Variants in GDAP2 observed in about 807,000 individuals in gnomAD.
GDAP2 encodes ganglioside induced differentiation associated protein 2, also known as ganglioside-induced differentiation-associated protein 2.
GDAP2 carries 51 observed loss-of-function variants against 67.0 expected under a neutral mutation model. That is an observed-to-expected ratio of 0.76 (90% CI 0.61 to 0.96). The LOEUF (loss-of-function observed/expected upper bound fraction) is 0.96. Ranked by LOEUF, GDAP2 falls within the 40% of genes least tolerant of loss-of-function variation. The probability of loss-of-function intolerance (pLI) is 0.00; values close to 1 mark genes in which losing one functional copy is unlikely to be tolerated. For synonymous variants in GDAP2, 203 were observed against 207.3 expected, an observed-to-expected ratio of 0.98 and a Z score of 0.18; for missense variants, 547 against 588.3, an observed-to-expected ratio of 0.93 and a Z score of 0.73.
At chr1:117,896,659 T>C (rs1034289987) in intron 8 of GDAP2, 174 bp downstream of exon 8, 1 of 454,242 alleles carries the variant, frequency 2.2e-6, no homozygotes, top group Non-Finnish European at 3.9e-6. Context: ...CTGATAACTT[T>C]CTTAACTTTG....
intron 13 of GDAP2, among the ~76,000 whole-genome samples, chr1:117,876,273 T>G (rs929706780): frequency 6.6e-6 from 1 of 152,064 alleles, no homozygotes; most frequent in Non-Finnish European, 1.5e-5. Context: ...GGCACCTCCC[T>G]TCCCTCTCTC....
At chr1:117,905,052 T>A (rs984386166) in intron 6 of GDAP2, among the ~76,000 whole-genome samples, 1 of 152,328 alleles carries the variant, frequency 6.6e-6, no homozygotes. Flanking sequence ...CCAACTCCAG[T>A]TGAACTTATT....
intron 1 of GDAP2, among the ~76,000 whole-genome samples, chr1:117,922,227 T>C (rs74113091): frequency 0.024 from 3,702 of 152,228 alleles, 150 homozygotes; most frequent in African/African-American, 0.083. Flanking sequence ...CTGGACAAGA[T>C]AGCCTAGAGA....
intron 6 of GDAP2, among the ~76,000 whole-genome samples, chr1:117,902,635 G>A (rs1649519592): frequency 6.6e-6 from 1 of 152,140 alleles, no homozygotes; most frequent in African/African-American, 2.4e-5. Context: ...TTATCCTTAT[G>A]CCAGTACCAC....
chr1:117,900,530 G>C (rs1649414245), intron 6 of GDAP2, among the ~76,000 whole-genome samples: 1 of 152,138 alleles, frequency 6.6e-6, no homozygotes, highest in Non-Finnish European at 1.5e-5. Context: ...CATTCTAGGA[G>C]GCTGAGGTGG....
At chr1:117,896,640 C>T in intron 8 of GDAP2, 193 bp downstream of exon 8, 2 of 429,514 alleles carry the variant, frequency 4.7e-6, no homozygotes, top group Non-Finnish European at 8.3e-6. Flanking sequence ...CACATATTAA[C>T]TGTGGCCACT....
rs1011749627 is a variant in GDAP2 at position 117,866,986 on chromosome 1, T to C, written c.*3583A>G. On this transcript the variant is annotated 3_prime_UTR_variant, in exon 14 of 14. Transcript: ENST00000369443. ...AATCAATCCACTGCCACTAGAACCATGTAACTCTCCTCTATATAGTACTTC... is the reference window on the plus strand; with the variant it reads ...AATCAATCCACTGCCACTAGAACCACGTAACTCTCCTCTATATAGTACTTC... The C allele has an allele frequency of 2.0e-5, 3 of 152,194 alleles. No homozygotes were observed. The highest frequency in any genetic ancestry group is 7.2e-5 in the African/African-American group (3 of 41,444). The allele number at this position is 152,194 out of a possible 1,614,324, so 9.4% of individuals were successfully genotyped here.
chr1:117,893,278 T>C (rs1486261753), intron 8 of GDAP2, among the ~76,000 whole-genome samples: 1 of 152,170 alleles, frequency 6.6e-6, no homozygotes, highest in Non-Finnish European at 1.5e-5. Context: ...AAAAAGAGTA[T>C]CTAGGTTGCT....
chr1:117,927,333 C>A (rs1266267079), intron 1 of GDAP2, among the ~76,000 whole-genome samples: 1 of 151,680 alleles, frequency 6.6e-6, no homozygotes. Flanking sequence ...CAAAACTGGG[C>A]AAAATTGGGC....
chr1:117,903,885 T>C (rs890751867), intron 6 of GDAP2, among the ~76,000 whole-genome samples: 3 of 152,178 alleles, frequency 2.0e-5, no homozygotes, highest in African/African-American at 4.8e-5. Flanking sequence ...ATGATGATCA[T>C]AAGATTTACT....
rs945010499 is a variant in GDAP2, at chr1:117,865,005, C to T, written c.*5564G>A. 4 of 152,100 alleles carry T rather than the reference C, an allele frequency of 2.6e-5. No homozygotes were observed. Among genetic ancestry groups the T allele is most frequent in the Non-Finnish European group, 5.9e-5 (4 of 68,010 alleles). 9.4% of individuals were successfully genotyped at this position (152,100 alleles called of 1,614,324 possible). ...TTTTACTCTAACTATGGTCTGGGGA[C>T]CAGGAGAATTGATAACACCTAAGAG... On this transcript the variant is annotated 3_prime_UTR_variant, in exon 14 of 14. Transcript: ENST00000369443.
intron 3 of GDAP2, 104 bp downstream of exon 3, chr1:117,918,493 C>A: frequency 3.9e-6 from 3 of 767,774 alleles, no homozygotes; most frequent in Non-Finnish European, 6.5e-6. Context: ...AAAAGAAAAA[C>A]AGCTACATCT....
rs1648026668 is a variant in GDAP2 at position 117,865,534 on chromosome 1, G to A, written c.*5035C>T. The A allele has an allele frequency of 6.6e-6, 1 of 151,984 alleles. No individual in the cohort carries two copies. The highest frequency in any genetic ancestry group is 1.5e-5 in the Non-Finnish European group (1 of 67,996). The allele number at this position is 151,984 out of a possible 1,614,324, so 9.4% of individuals were successfully genotyped here. ...CTTAAATATTTAGCTCACAAGATCT[G>A]GTCTAACAAAGTCCTGTCTCAGTCT... On this transcript the variant is annotated 3_prime_UTR_variant, in exon 14 of 14. Coordinates refer to ENST00000369443, the MANE Select transcript of GDAP2 (RefSeq NM_017686.4).
chr1:117,887,797 C>A, intron 8 of GDAP2, 23 bp from the exon 9 acceptor site: 1 of 1,309,138 alleles, frequency 7.6e-7, no homozygotes, highest in South Asian at 1.2e-5. Flanking sequence ...ATGATATAAT[C>A]ATTATAATAA....
At chr1:117,889,108 T>C (rs1218297569) in intron 8 of GDAP2, among the ~76,000 whole-genome samples, 1 of 152,196 alleles carries the variant, frequency 6.6e-6, no homozygotes, top group Non-Finnish European at 1.5e-5. Context: ...AAAATGCCTA[T>C]GTTTATTGTA....
rs539874072 is a variant in GDAP2 at position 117,904,871 on chromosome 1, C to T, written c.636+1635G>A. On this transcript the variant is annotated intron_variant, in intron 6 of 13. Coordinates refer to ENST00000369443, the MANE Select transcript of GDAP2 (RefSeq NM_017686.4). ...GCTGAGCCTCTGCCCTGATGATCCA[C>T]TGATCCTCTAAGACTCAACGTGTTC... Among the ~76,000 whole-genome samples, 44 of 152,348 alleles carry T rather than the reference C, an allele frequency of 2.9e-4. No homozygotes were observed. In the South Asian group the frequency reaches 9.1e-3, roughly 32 times the overall value.
rs1227391953 is a variant in GDAP2 at position 117,865,081 on chromosome 1, A to AG, written c.*5487_*5488insC. On this transcript the variant is annotated 3_prime_UTR_variant, in exon 14 of 14. Coordinates refer to ENST00000369443, the MANE Select transcript of GDAP2 (RefSeq NM_017686.4). The stretch of plus-strand genomic sequence containing the variant: ...GGCCACCCCAGAACTATTGAATCTG[A>AG]ATCTCCATTTAATAATATCCTCAGC... 7 of 152,228 alleles carry AG rather than the reference A, an allele frequency of 4.6e-5. No homozygotes were observed. Among genetic ancestry groups the AG allele is most frequent in the African/African-American group, 9.6e-5 (4 of 41,464 alleles). The allele number at this position is 152,228 out of a possible 1,614,324, so 9.4% of individuals were successfully genotyped here.
At position 117,867,738 on chromosome 1, in the gene GDAP2, C is replaced by T. The variant is rs1015562299; in HGVS notation, c.*2831G>A. 3 of 151,640 alleles carry T rather than the reference C, an allele frequency of 2.0e-5. No individual in the cohort carries two copies. The highest frequency in any genetic ancestry group is 7.3e-5 in the African/African-American group (3 of 41,306). The allele number at this position is 151,640 out of a possible 1,614,324, so 9.4% of individuals were successfully genotyped here. ...AAAAGAAAAAGGAAATATAAAGCAT[C>T]CGCCAATGAAACATAATATACATTA... is the stretch of plus-strand genomic sequence containing the variant. On this transcript the variant is annotated 3_prime_UTR_variant, in exon 14 of 14. Coordinates refer to ENST00000369443, the MANE Select transcript of GDAP2 (RefSeq NM_017686.4).
intron 1 of GDAP2, among the ~76,000 whole-genome samples, chr1:117,922,762 C>G (rs1243739495): frequency 2.0e-5 from 3 of 152,232 alleles, no homozygotes; most frequent in Admixed American, 2.0e-4. Context: ...CAGGGTGAAA[C>G]TAGAATCACT....
Sources: allele counts gnomAD v4.1 joint callset (sites outside exome capture counted in the v4.1 genomes callset), GRCh38; gene constraint gnomAD v4.1.1; transcripts MANE v1.5; gene names NCBI Gene and HGNC (gene_info 2026-07-23, HGNC 2026-07-21).